USP40: variants seen among roughly 807,000 people sequenced by gnomAD.
USP40 encodes the protein ubiquitin specific peptidase 40.
Under a neutral mutation model 166.2 loss-of-function variants are expected in USP40, and 143 were observed. That is an observed-to-expected ratio of 0.86 (90% CI 0.75 to 0.99). The LOEUF (loss-of-function observed/expected upper bound fraction) is 0.99, where lower values mean the gene tolerates loss of function less well. Ranked by LOEUF, USP40 falls within the 50% of genes least tolerant of loss-of-function variation. The pLI, the probability that USP40 is intolerant of heterozygous loss-of-function variation, is 0.00. For synonymous variants in USP40, 498 were observed against 524.0 expected, an observed-to-expected ratio of 0.95 and a Z score of 0.68; for missense variants, 1,444 against 1,479.7, an observed-to-expected ratio of 0.98 and a Z score of 0.40.
At position 233,480,780 on chromosome 2, in the gene USP40, C is replaced by G. The variant is rs1233482579; in HGVS notation, c.3599+423G>C. On this transcript the variant is annotated intron_variant, in intron 31 of 31. Coordinates refer to ENST00000678225, the MANE Select transcript of USP40 (RefSeq NM_001365479.2). This position sits in a 1 kb window ranked among gnomAD's most constrained non-coding sequence, Gnocchi z 4.5. Reference sequence around the variant, plus strand: ...GCGTCCCCTGGAGTGGCCAGGCTCTCGGGAACCTTGGAGAGAGCGGGAGAA... The same window carrying G: ...GCGTCCCCTGGAGTGGCCAGGCTCTGGGGAACCTTGGAGAGAGCGGGAGAA... Among the ~76,000 whole-genome samples the G allele has an allele frequency of 1.3e-5, 2 of 152,098 alleles. No homozygotes were observed. Among genetic ancestry groups the G allele is most frequent in the Admixed American group, 1.3e-4 (2 of 15,282 alleles).
chr2:233,507,024 C>T (rs953498390), intron 21 of USP40, among the ~76,000 whole-genome samples: 1 of 151,906 alleles, frequency 6.6e-6, no homozygotes, highest in Non-Finnish European at 1.5e-5. Context: ...CTTTAGTAAA[C>T]ATTTCTCAAA....
intron 13 of USP40, 147 bp downstream of exon 13, chr2:233,527,260 T>C (rs560206323): frequency 1.4e-5 from 12 of 835,708 alleles, no homozygotes; most frequent in African/African-American, 1.4e-4. Context: ...GAGAGAAGAT[T>C]TGGGTCAACC....
chr2:233,482,406 A>G (rs771288498), intron 30 of USP40, among the ~76,000 whole-genome samples: 3 of 151,578 alleles, frequency 2.0e-5, no homozygotes, highest in Non-Finnish European at 4.4e-5. Context: ...ACTTCATTCT[A>G]TTACCTGTAA....
chr2:233,557,908 G>A (rs558198316), intron 4 of USP40, among the ~76,000 whole-genome samples: 1 of 150,862 alleles, frequency 6.6e-6, no homozygotes, highest in South Asian at 2.1e-4. Context: ...AGCTACCTGG[G>A]AGGCCGAGGC....
At chr2:233,564,343 A>T (rs1361959458) in intron 2 of USP40, among the ~76,000 whole-genome samples, 2 of 152,200 alleles carry the variant, frequency 1.3e-5, no homozygotes, top group Non-Finnish European at 1.5e-5. Flanking sequence ...GAGCTGAGCT[A>T]CAAAGCCATG....
Position 233,551,525 on chromosome 2 carries a change from A to G in USP40, c.694-6T>C. 6.3e-7 allele frequency: 1 copy of G among 1,579,930 alleles called. No individual in the cohort carries two copies. The highest frequency in any genetic ancestry group is 8.6e-7 in the Non-Finnish European group (1 of 1,166,478). ...AGCTTACGTAATTTGGCCGACTGTT[A>G]AAAGAAAAATTTACAAAGCTTTTTA... is the stretch of plus-strand genomic sequence containing the variant. On this transcript the variant is annotated splice_polypyrimidine_tract_variant and splice_region_variant and intron_variant, in intron 6 of 31. Transcript: ENST00000678225.
At position 233,549,292 on chromosome 2, in the gene USP40, GA is replaced by G. The variant is rs553349292; in HGVS notation, c.838-64del. 1.7e-3 allele frequency: 1,773 copies of G among 1,040,212 alleles called. 22 individuals carry two copies. In the African/African-American group the frequency reaches 0.025, roughly 15 times the overall value. 64.4% of individuals were successfully genotyped at this position (1,040,212 alleles called of 1,614,324 possible). A position where few individuals can be genotyped will look rare whatever the true frequency, so the allele number is the denominator to read the frequency against. On this transcript the variant is annotated intron_variant, in intron 7 of 31. Coordinates refer to ENST00000678225, the MANE Select transcript of USP40 (RefSeq NM_001365479.2). ...CATAAAATGCTGATAATAATCAAAA[GA>G]AAAAATAATTTCAACTACTGAAATT...
At chr2:233,479,296 G>T (rs998709761) in intron 31 of USP40, among the ~76,000 whole-genome samples, 7 of 152,212 alleles carry the variant, frequency 4.6e-5, no homozygotes, top group South Asian at 2.1e-4. Context: ...CAGGCGCGGT[G>T]GCTCACGCCT....
In USP40 at chr2:233,517,390, T is replaced by TG. The variant is rs540464437; in HGVS notation, c.2383+2223_2383+2224insC. Among the ~76,000 whole-genome samples the TG allele has an allele frequency of 1.5e-3, 216 of 146,866 alleles. 1 individual carries two copies. Among genetic ancestry groups the TG allele is most frequent in the African/African-American group, 5.0e-3 (200 of 39,886 alleles). On this transcript the variant is annotated intron_variant, in intron 18 of 31. Coordinates refer to ENST00000678225, the MANE Select transcript of USP40 (RefSeq NM_001365479.2). ...CTTGCACATGCATGGTTTTTTGTTT[T>TG]TTTTTTTTTTTTGAGACGGAGTCTC...
chr2:233,509,778 T>C (rs1575259065), intron 21 of USP40, among the ~76,000 whole-genome samples: 1 of 148,058 alleles, frequency 6.8e-6, no homozygotes, highest in Admixed American at 6.8e-5. Flanking sequence ...GAGGCAGAGG[T>C]TGCAGTGAGC....
Position 233,523,435 on chromosome 2 carries a change from C to A in USP40, c.1936G>T (p.Val646Phe). 1 of 1,613,980 alleles carries A rather than the reference C, an allele frequency of 6.2e-7. No homozygotes were observed. The highest frequency in any genetic ancestry group is 1.1e-5 in the South Asian group (1 of 91,082). Reference sequence around the variant, plus strand: ...TCACTGCTTGTGTCTAGATGAAGAACATTTAAAAGTAGAGGTTCGCAGTCA... The same window carrying A: ...TCACTGCTTGTGTCTAGATGAAGAAAATTTAAAAGTAGAGGTTCGCAGTCA... The part of the protein sequence containing the change: ...GIDCEPLLLN[V>F]LHLDTSSDGE... The change falls in exon 16 of 32, where the codon GTT becomes TTT. Residue 646 changes from valine to phenylalanine, a missense_variant. Val to Phe is a conservative substitution (Grantham distance 50). Coordinates refer to ENST00000678225, the MANE Select transcript of USP40 (RefSeq NM_001365479.2).
At chr2:233,549,034 C>G in intron 8 of USP40, 67 bp downstream of exon 8, 1 of 1,457,014 alleles carries the variant, frequency 6.9e-7, no homozygotes, top group African/African-American at 1.4e-5. Flanking sequence ...AACAAAATTT[C>G]CTCAACAAAA....
Position 233,520,529 on chromosome 2 carries a change from A to G in USP40, c.2325+462T>C, listed in dbSNP as rs7562752. Reference sequence around the variant, plus strand: ...AAACTAGTCTTCAAATGGAGAACTGAAAGAGTTCCTTTTAAGAACACCTGG... The same window carrying G: ...AAACTAGTCTTCAAATGGAGAACTGGAAGAGTTCCTTTTAAGAACACCTGG... On this transcript the variant is annotated intron_variant, in intron 17 of 31. Transcript: ENST00000678225. Among the ~76,000 whole-genome samples the G allele has an allele frequency of 6.3e-3, 967 of 152,322 alleles. 22 individuals are homozygous for G. In the East Asian group the frequency reaches 0.084, roughly 13 times the overall value.
intron 9 of USP40, among the ~76,000 whole-genome samples, chr2:233,541,763 A>G (rs2069437287): frequency 6.6e-6 from 1 of 152,222 alleles, no homozygotes; most frequent in African/African-American, 2.4e-5. Context: ...TACTTGAGAT[A>G]TTATCAGTGA....
At chr2:233,490,097 G>GA (rs35945868) in intron 26 of USP40, among the ~76,000 whole-genome samples, 6 of 146,026 alleles carry the variant, frequency 4.1e-5, no homozygotes, top group African/African-American at 7.5e-5. Flanking sequence ...CTTAATATGA[G>GA]AAAAAAAAAG....
intron 24 of USP40, among the ~76,000 whole-genome samples, chr2:233,495,330 G>A (rs930101071): frequency 6.6e-6 from 1 of 151,324 alleles, no homozygotes; most frequent in African/African-American, 2.4e-5. Flanking sequence ...TATTTTACAT[G>A]GTTAGTCTTC....
chr2:233,482,886 T>C (rs2064715818), intron 30 of USP40, among the ~76,000 whole-genome samples: 1 of 152,222 alleles, frequency 6.6e-6, no homozygotes. Flanking sequence ...TCCTGCTGGA[T>C]TCTGCAGCTC....
Position 233,476,966 on chromosome 2 carries a change from C to CGG in USP40, c.*424_*425dup. On this transcript the variant is annotated 3_prime_UTR_variant, in exon 32 of 32. Coordinates refer to ENST00000678225, the MANE Select transcript of USP40 (RefSeq NM_001365479.2). Reference sequence around the variant, plus strand: ...AGTGGCCTGAGACACTGTGAGAAGCCGGTCAGGGCGAACGAGAGTCATCTG... The same window carrying CGG: ...AGTGGCCTGAGACACTGTGAGAAGCCGGGGTCAGGGCGAACGAGAGTCATCTG... 3.3e-6 allele frequency: 1 copy of CGG among 298,570 alleles called. No individual in the cohort carries two copies. The highest frequency in any genetic ancestry group is 6.5e-6 in the Non-Finnish European group (1 of 154,290). 18.5% of individuals were successfully genotyped at this position (298,570 alleles called of 1,614,324 possible).
intron 12 of USP40, among the ~76,000 whole-genome samples, chr2:233,528,203 T>G (rs1342304549): frequency 6.6e-6 from 1 of 152,298 alleles, no homozygotes; most frequent in South Asian, 2.1e-4. Flanking sequence ...GGTCTTGAAC[T>G]CCTGATCTCA....
Sources: gnomAD v4.1 joint callset for allele counts (sites outside exome capture counted in the v4.1 genomes callset) on GRCh38, gnomAD v4.1.1 for gene constraint, Gnocchi (gnomAD v3.1) non-coding constraint, MANE v1.5 for transcripts, NCBI Gene and HGNC (gene_info 2026-07-23, HGNC 2026-07-21) for gene names.